MIB1: variants seen among roughly 807,000 people sequenced by gnomAD.
MIB1 encodes the protein MIB E3 ubiquitin protein ligase 1.
A neutral mutation model predicts 124.5 loss-of-function variants in MIB1; 278 were observed. That is an observed-to-expected ratio of 2.23 (90% confidence interval 2.02 to 2.47). The LOEUF (loss-of-function observed/expected upper bound fraction) is 2.47, where lower values mean the gene tolerates loss of function less well. MIB1 is among the 30% of genes most tolerant of loss of function. The pLI is 0.00. For missense variants in MIB1, 957 were observed against 1,254.4 expected, an observed-to-expected ratio of 0.76 and a Z score of 3.58; for synonymous variants, 446 against 429.4, an observed-to-expected ratio of 1.04 and a Z score of -0.48.
At chr18:21,858,387 C>T (rs1053964322) in intron 19 of MIB1, among the ~76,000 whole-genome samples, 159 bp from the exon 20 acceptor site, 3 of 152,114 alleles carry the variant, frequency 2.0e-5, no homozygotes, top group African/African-American at 4.8e-5. Context: ...TGTAACAGAA[C>T]GTCACTACTG....
chr18:21,762,486 C>A lies in MIB1; in HGVS notation c.230-3286C>A, dbSNP rs576565071. ...AAGGAACTACAATGTGACATTTTTG[C>A]ATCTAAATTGCATAATACATGTAAT... On this transcript the variant is annotated intron_variant, in intron 1 of 20. Transcript: ENST00000261537. 1.2e-4 allele frequency among the ~76,000 whole-genome samples: 18 copies of A among 152,254 alleles called. No individual in the cohort carries two copies. The South Asian group carries it at 3.7e-3, about 32-fold the overall frequency.
At chr18:21,788,801 T>C (rs1268832447) in intron 6 of MIB1, among the ~76,000 whole-genome samples, 1 of 152,224 alleles carries the variant, frequency 6.6e-6, no homozygotes, top group Non-Finnish European at 1.5e-5. Flanking sequence ...GGAACATCAG[T>C]TGTCTTTCTG....
intron 12 of MIB1, among the ~76,000 whole-genome samples, chr18:21,820,304 G>A (rs1301819564): frequency 6.6e-6 from 1 of 152,082 alleles, no homozygotes; most frequent in African/African-American, 2.4e-5. Context: ...ATTCTGCATT[G>A]GATGTCTTCT....
chr18:21,762,389 A>G (rs570496999), intron 1 of MIB1, among the ~76,000 whole-genome samples: 2 of 152,234 alleles, frequency 1.3e-5, no homozygotes, highest in Admixed American at 1.3e-4. Context: ...GGGAAATTCT[A>G]TACAATTATT....
upstream of MIB1, among the ~76,000 whole-genome samples, chr18:21,739,863 G>A (rs903469386): frequency 6.6e-6 from 1 of 151,908 alleles, no homozygotes; most frequent in African/African-American, 2.4e-5. Flanking sequence ...TGCGGGGAAC[G>A]GAGATGGCGC....
Position 21,778,140 on chromosome 18 carries a change from C to CT in MIB1, c.677dup (p.Tyr227LeufsTer10). The stretch of plus-strand genomic sequence containing the variant: ...TGTGTCCAGGATGCCAAGGGAGGTT[C>CT]TTTCTACAGAGATCACTGCCCTGTG... On this transcript the variant is annotated frameshift_variant, in exon 5 of 21. Transcript: ENST00000261537. LOFTEE classifies it high-confidence loss of function. 6.2e-7 allele frequency: 1 copy of CT among 1,612,192 alleles called. No homozygotes were observed. The highest frequency in any genetic ancestry group is 8.5e-7 in the Non-Finnish European group (1 of 1,178,592).
At chr18:21,731,027 G>C (rs531720403) in intron 1 of MIB1, among the ~76,000 whole-genome samples, 4 of 152,128 alleles carry the variant, frequency 2.6e-5, no homozygotes, top group African/African-American at 4.8e-5. Context: ...TTCACCTCCT[G>C]AGTGAATTGG....
At chr18:21,831,780 A>G (rs1485661600) in intron 12 of MIB1, among the ~76,000 whole-genome samples, 4 of 152,158 alleles carry the variant, frequency 2.6e-5, no homozygotes, top group African/African-American at 9.7e-5. Flanking sequence ...CTATACTTAG[A>G]AGCACTGCAG....
intron 5 of MIB1, 77 bp downstream of exon 5, chr18:21,778,246 G>A (rs2041315271): frequency 9.6e-7 from 1 of 1,046,352 alleles, no homozygotes; most frequent in African/African-American, 1.6e-5. Flanking sequence ...TAAATTGGAT[G>A]TTAGAAAAGT....
rs1177898272 is a variant in MIB1, at chr18:21,870,379, T to A, written c.*5713T>A. On this transcript the variant is annotated 3_prime_UTR_variant, in exon 21 of 21. Transcript: ENST00000261537. ...CTAGAAGGCTCTCATTGCAGTTGTTTACAGTTAAGGTACCTCTATCTAAAG... is the reference window on the plus strand; with the variant it reads ...CTAGAAGGCTCTCATTGCAGTTGTTAACAGTTAAGGTACCTCTATCTAAAG... 1 of 152,194 alleles carries A rather than the reference T, an allele frequency of 6.6e-6. No individual in the cohort carries two copies. Among genetic ancestry groups the A allele is most frequent in the East Asian group, 1.9e-4 (1 of 5,208 alleles). 9.4% of individuals were successfully genotyped at this position (152,194 alleles called of 1,614,324 possible).
chr18:21,854,198 A>T (rs2042206561), intron 18 of MIB1, among the ~76,000 whole-genome samples: 1 of 152,072 alleles, frequency 6.6e-6, no homozygotes, highest in African/African-American at 2.4e-5. Context: ...GTAAAAAAGG[A>T]CTCAGGTTAC....
intron 12 of MIB1, among the ~76,000 whole-genome samples, chr18:21,836,589 G>C (rs986401551): frequency 1.3e-5 from 2 of 152,076 alleles, no homozygotes; most frequent in East Asian, 3.9e-4. Context: ...GGAAAATGAA[G>C]ATTTAAAACT....
At chr18:21,827,988 A>G (rs953404402) in intron 12 of MIB1, 1 of 152,030 alleles carries the variant, frequency 6.6e-6, no homozygotes, top group Non-Finnish European at 1.5e-5. Flanking sequence ...TGTCATTAGT[A>G]GCTTAAAACA....
intron 1 of MIB1, among the ~76,000 whole-genome samples, chr18:21,745,710 A>ACAC (rs1568183975): frequency 2.1e-5 from 3 of 146,036 alleles, no homozygotes; most frequent in South Asian, 2.2e-4. Flanking sequence ...ACACACACAC[A>ACAC]AAATTTTATT....
At chr18:21,823,507 C>A (rs1342208127) in intron 12 of MIB1, among the ~76,000 whole-genome samples, 1 of 152,030 alleles carries the variant, frequency 6.6e-6, no homozygotes, top group East Asian at 1.9e-4. Flanking sequence ...GAAGACTGTC[C>A]TTTGAAGTCT....
chr18:21,855,426 A>G (rs899532392), intron 18 of MIB1, among the ~76,000 whole-genome samples: 2 of 152,240 alleles, frequency 1.3e-5, no homozygotes, highest in Non-Finnish European at 2.9e-5. Context: ...GATAGAAACA[A>G]TACAATAACT....
At chr18:21,863,040 A>G (rs2042290025) in intron 20 of MIB1, among the ~76,000 whole-genome samples, 1 of 152,094 alleles carries the variant, frequency 6.6e-6, no homozygotes, top group Non-Finnish European at 1.5e-5. Context: ...AGAGCAGTTG[A>G]TGCAGGATTT....
In MIB1 at chr18:21,708,140, G is replaced by A. The variant is rs74568871; in HGVS notation, n.167+3017G>A. Among the ~76,000 whole-genome samples, 453 of 152,240 alleles carry A rather than the reference G, an allele frequency of 3.0e-3. 3 individuals are homozygous for A. The highest frequency in any genetic ancestry group is 0.011 in the African/African-American group (438 of 41,520). The stretch of plus-strand genomic sequence containing the variant: ...CTCCAACATGTGAAGGTGGAGGCGG[G>A]GGATACAAACATTGATGCCTATAAT... On this transcript the variant is annotated intron_variant and non_coding_transcript_variant, in intron 1 of 20. Coordinates refer to the MIB1 transcript ENST00000578646.
At chr18:21,730,293 G>A (rs578250349) in intron 1 of MIB1, among the ~76,000 whole-genome samples, 7 of 152,306 alleles carry the variant, frequency 4.6e-5, no homozygotes, top group African/African-American at 1.7e-4. Context: ...TGGGCTGGGC[G>A]CAGTGGCTCA....
Sources: allele counts gnomAD v4.1 joint callset (sites outside exome capture counted in the v4.1 genomes callset), GRCh38; gene constraint gnomAD v4.1.1; transcripts MANE v1.5; gene names NCBI Gene and HGNC (gene_info 2026-07-23, HGNC 2026-07-21).